The following ACOXL variants were observed in gnomAD, a reference collection of about 807,000 sequenced individuals.
ACOXL encodes acyl-coenzyme A oxidase-like protein.
ACOXL carries 70 observed loss-of-function variants against 71.9 expected under a neutral mutation model. That is an observed-to-expected ratio of 0.97 (90% CI 0.80 to 1.19). The LOEUF (loss-of-function observed/expected upper bound fraction) is 1.19. Ranked by LOEUF, ACOXL falls within the 50% of genes most tolerant of loss-of-function variation. ACOXL has a pLI of 0.00. For synonymous variants in ACOXL, 253 were observed against 281.6 expected, an observed-to-expected ratio of 0.90 and a Z score of 1.02; for missense variants, 703 against 736.3, an observed-to-expected ratio of 0.95 and a Z score of 0.52.
chr2:110,760,291 C>T (rs575608072), intron 1 of ACOXL, among the ~76,000 whole-genome samples: 85 of 152,058 alleles, frequency 5.6e-4, no homozygotes, highest in African/African-American at 1.9e-3. Flanking sequence ...AGGCACTGAC[C>T]GCCACCACGC....
chr2:110,976,959 T>G lies in ACOXL; in HGVS notation c.1060-10149T>G, dbSNP rs576523189. Among the ~76,000 whole-genome samples the G allele has an allele frequency of 5.9e-5, 9 of 152,250 alleles. No homozygotes were observed. In the East Asian group the frequency reaches 1.7e-3, roughly 29 times the overall value. On this transcript the variant is annotated intron_variant, in intron 12 of 17. Transcript: ENST00000439055. The stretch of plus-strand genomic sequence containing the variant: ...CTTCCCCTTCTAGGAGAACAAAAAC[T>G]ACTTAAAAATGGTTATTTCTGGAGT...
chr2:110,788,085 C>T (rs1001333285), intron 3 of ACOXL, among the ~76,000 whole-genome samples: 1 of 152,110 alleles, frequency 6.6e-6, no homozygotes, highest in African/African-American at 2.4e-5. Context: ...GGTTGTTTCT[C>T]AAAAAGTAGG....
At chr2:110,966,453 G>C (rs1196410204) in intron 12 of ACOXL, among the ~76,000 whole-genome samples, 1 of 152,194 alleles carries the variant, frequency 6.6e-6, no homozygotes, top group Non-Finnish European at 1.5e-5. Flanking sequence ...CCCCACCCTT[G>C]GTGTCTGTGG....
intron 12 of ACOXL, among the ~76,000 whole-genome samples, chr2:110,956,490 A>G (rs1324807437): frequency 6.6e-6 from 1 of 152,184 alleles, no homozygotes; most frequent in Non-Finnish European, 1.5e-5. Flanking sequence ...AGAATCCTGA[A>G]TTCAGGAGAC....
At chr2:110,767,557 G>A (rs1474463932) in intron 1 of ACOXL, among the ~76,000 whole-genome samples, 1 of 152,206 alleles carries the variant, frequency 6.6e-6, no homozygotes, top group Non-Finnish European at 1.5e-5. Flanking sequence ...TAGCAGCCAA[G>A]AGATGAGCAG....
Position 110,732,621 on chromosome 2 carries a change from C to T in ACOXL, c.-176C>T, listed in dbSNP as rs927026716. 6.5e-6 allele frequency: 1 copy of T among 153,058 alleles called. No individual in the cohort carries two copies. Among genetic ancestry groups the T allele is most frequent in the Non-Finnish European group, 1.5e-5 (1 of 68,530 alleles). The allele number at this position is 153,058 out of a possible 1,614,324, so 9.5% of individuals were successfully genotyped here. A position where few individuals can be genotyped will look rare whatever the true frequency, so the allele number is the denominator to read the frequency against. On this transcript the variant is annotated 5_prime_UTR_variant, in exon 1 of 18. Coordinates refer to ENST00000439055, the MANE Select transcript of ACOXL (RefSeq NM_001142807.4). ...GCGGAGCGAAGCCGGCCCTGCCAGC[C>T]ACGCGGAGAAGCAGAGGCAGGTGAG...
At chr2:110,739,375 T>G (rs1677234086) in intron 1 of ACOXL, among the ~76,000 whole-genome samples, 1 of 152,226 alleles carries the variant, frequency 6.6e-6, no homozygotes, top group Non-Finnish European at 1.5e-5. Flanking sequence ...CCTGAGACCT[T>G]GGAGGCCCCA....
At chr2:111,072,244 C>G (rs2067375740) in intron 16 of ACOXL, among the ~76,000 whole-genome samples, 1 of 152,210 alleles carries the variant, frequency 6.6e-6, no homozygotes, top group African/African-American at 2.4e-5. Flanking sequence ...ATTGTTCTCT[C>G]TCTCTTCCAG....
chr2:110,923,699 C>T (rs1473588649), intron 11 of ACOXL, among the ~76,000 whole-genome samples: 6 of 151,958 alleles, frequency 3.9e-5, no homozygotes, highest in Non-Finnish European at 8.8e-5. Flanking sequence ...TTTGGGAGGC[C>T]GAGATGAGCA....
chr2:110,782,697 C>G (rs1051737268), intron 2 of ACOXL, among the ~76,000 whole-genome samples: 3 of 152,122 alleles, frequency 2.0e-5, no homozygotes, highest in Non-Finnish European at 4.4e-5. Context: ...TAAAAATGAC[C>G]GCAGTTGGAC....
chr2:110,859,571 G>A (rs1693687430), intron 10 of ACOXL, among the ~76,000 whole-genome samples: 1 of 152,226 alleles, frequency 6.6e-6, no homozygotes. Context: ...TAGGGAGAAG[G>A]GCGGAGGAAA....
rs576443072 is a variant in ACOXL, at chr2:110,955,432, C to G, written c.1059+21790C>G. On this transcript the variant is annotated intron_variant, in intron 12 of 17. Transcript: ENST00000439055. ...CCACCCCCAGCTAGTCCACCTCCCT[C>G]TCTCTCTCTCTCTCTCTCTCTCTGT... 2.7e-4 allele frequency among the ~76,000 whole-genome samples: 10 copies of G among 37,058 alleles called. No individual in the cohort carries two copies. The South Asian group carries it at 6.9e-3, about 26-fold the overall frequency. 24.3% of individuals were successfully genotyped at this position (37,058 alleles called of 152,430 possible).
intron 14 of ACOXL, among the ~76,000 whole-genome samples, chr2:111,013,823 G>T (rs1307763503): frequency 6.6e-6 from 1 of 151,346 alleles, no homozygotes; most frequent in Non-Finnish European, 1.5e-5. Context: ...AGTAAGTACA[G>T]TACAAAGAAA....
intron 1 of ACOXL, among the ~76,000 whole-genome samples, chr2:110,751,040 T>C (rs1237879880): frequency 6.6e-6 from 1 of 151,912 alleles, no homozygotes; most frequent in Non-Finnish European, 1.5e-5. Flanking sequence ...GGCTCACGCC[T>C]GTAATCCCAG....
chr2:111,100,876 T>C (rs1373754714), intron 17 of ACOXL: 4 of 152,680 alleles, frequency 2.6e-5, no homozygotes, highest in African/African-American at 9.6e-5. Context: ...GAGGGCCTGC[T>C]GATGACATGT....
At chr2:111,095,222 G>A (rs200474931) in intron 17 of ACOXL, among the ~76,000 whole-genome samples, 320 of 140,032 alleles carry the variant, frequency 2.3e-3, no homozygotes, top group Middle Eastern at 7.2e-3. Context: ...TTTTTAATTA[G>A]AAAAAAAAAA....
At chr2:111,053,947 G>C (rs1224160408) in intron 16 of ACOXL, among the ~76,000 whole-genome samples, 1 of 152,236 alleles carries the variant, frequency 6.6e-6, no homozygotes, top group Non-Finnish European at 1.5e-5. Flanking sequence ...AGCTAGTATT[G>C]AAGGAGCTTT....
intron 14 of ACOXL, among the ~76,000 whole-genome samples, chr2:111,014,057 A>G (rs1337896375): frequency 6.6e-6 from 1 of 152,250 alleles, no homozygotes; most frequent in Non-Finnish European, 1.5e-5. Context: ...TCAGCAGAGC[A>G]GAAATAGAAA....
intron 10 of ACOXL, among the ~76,000 whole-genome samples, chr2:110,883,057 C>T (rs1696854199): frequency 6.6e-6 from 1 of 151,230 alleles, no homozygotes; most frequent in East Asian, 1.9e-4. Context: ...TCCCTCCATT[C>T]ACTCTGTGTG....
Sources: allele counts gnomAD v4.1 joint callset (sites outside exome capture counted in the v4.1 genomes callset), GRCh38; gene constraint gnomAD v4.1.1; transcripts MANE v1.5; gene names NCBI Gene and HGNC (gene_info 2026-07-23, HGNC 2026-07-21).